Variants in IQCH observed in about 807,000 individuals in gnomAD.
The protein encoded by IQCH is IQ motif containing H.
In IQCH, 98 loss-of-function variants were observed where a neutral mutation model predicts 117.0. That is an observed-to-expected ratio of 0.84 (90% CI 0.71 to 0.99). The LOEUF is 0.99. Ranked by LOEUF, IQCH falls within the 50% of genes least tolerant of loss-of-function variation. The pLI is 0.00. For missense variants in IQCH, 1,102 were observed against 1,243.8 expected, an observed-to-expected ratio of 0.89 and a Z score of 1.72; for synonymous variants, 412 against 448.2, an observed-to-expected ratio of 0.92 and a Z score of 1.02.
intron 4 of IQCH, among the ~76,000 whole-genome samples, chr15:67,308,670 T>G (rs1317301879): frequency 6.6e-6 from 1 of 152,092 alleles, no homozygotes; most frequent in African/African-American, 2.4e-5. Flanking sequence ...TCCACTAATA[T>G]GGCAGTGAAG....
In IQCH at chr15:67,473,153, A is replaced by G. The variant is rs1596459407; in HGVS notation, c.2677-2543A>G. Among the ~76,000 whole-genome samples, 2 of 152,198 alleles carry G rather than the reference A, an allele frequency of 1.3e-5. No homozygotes were observed. Among genetic ancestry groups the G allele is most frequent in the African/African-American group, 4.8e-5 (2 of 41,458 alleles). ...AAAATAACCTTGGAATTATCTTGTG[A>G]ATTCATGGCAATTACCATGCAATTA... On this transcript the variant is annotated intron_variant, in intron 17 of 20. Transcript: ENST00000335894. The surrounding 1 kb of genome is among the most constrained non-coding windows in gnomAD (Gnocchi z 4.9).
chr15:67,281,849 C>G (rs1966372358), intron 4 of IQCH: 1 of 442,054 alleles, frequency 2.3e-6, no homozygotes. Flanking sequence ...AACAAAACCA[C>G]CACAGTGATC....
intron 1 of IQCH, 68 bp from the exon 2 acceptor site, chr15:67,261,204 G>T: frequency 8.8e-7 from 1 of 1,136,866 alleles, no homozygotes. Context: ...AAACCTTTAA[G>T]ATAAATAACT....
chr15:67,437,721 A>G (rs1350122783), intron 16 of IQCH, among the ~76,000 whole-genome samples: 1 of 152,180 alleles, frequency 6.6e-6, no homozygotes, highest in Non-Finnish European at 1.5e-5. Context: ...AATACAGGAA[A>G]CATTGGACAC....
intron 14 of IQCH, among the ~76,000 whole-genome samples, chr15:67,412,817 G>A (rs1240408675): frequency 6.6e-6 from 1 of 152,140 alleles, no homozygotes; most frequent in Non-Finnish European, 1.5e-5. Context: ...AGCTAGCAAT[G>A]GTTCCCCTAA....
intron 10 of IQCH, among the ~76,000 whole-genome samples, chr15:67,377,395 G>A (rs1970775934): frequency 6.6e-6 from 1 of 151,930 alleles, no homozygotes; most frequent in Non-Finnish European, 1.5e-5. Flanking sequence ...ATAATCTACA[G>A]TGGTTCATAA....
At chr15:67,313,275 G>GT (rs1967689372) in intron 4 of IQCH, among the ~76,000 whole-genome samples, 2 of 152,252 alleles carry the variant, frequency 1.3e-5, no homozygotes, top group East Asian at 3.9e-4. Context: ...GAGGACTTGG[G>GT]TTTTCAATCC....
chr15:67,339,642 G>C (rs1220258738), intron 5 of IQCH, among the ~76,000 whole-genome samples: 1 of 152,130 alleles, frequency 6.6e-6, no homozygotes, highest in Non-Finnish European at 1.5e-5. Flanking sequence ...CTATTAAAAG[G>C]ATATCCAGTG....
intron 16 of IQCH, among the ~76,000 whole-genome samples, chr15:67,423,140 C>A (rs76479722): frequency 0.051 from 7,710 of 152,244 alleles, 271 homozygotes; most frequent in Non-Finnish European, 0.074. Context: ...GGGAAAAGAA[C>A]AAACTGAAGG....
In IQCH at chr15:67,384,815, A is replaced by T; in HGVS notation, c.1373-121A>T. The T allele has an allele frequency of 1.5e-6, 1 of 670,050 alleles. No homozygotes were observed. The highest frequency in any genetic ancestry group is 1.7e-5 in the South Asian group (1 of 59,402). 41.5% of individuals were successfully genotyped at this position (670,050 alleles called of 1,614,324 possible). A position where few individuals can be genotyped will look rare whatever the true frequency, so the allele number is the denominator to read the frequency against. ...TTCTTCGGGATTGGGTTGTTTCTGT[A>T]AGATGCTTCAGAGAAAATTTTTTCC... On this transcript the variant is annotated intron_variant, in intron 10 of 20. Transcript: ENST00000335894. The surrounding 1 kb of genome is among the most constrained non-coding windows in gnomAD (Gnocchi z 4.3).
At chr15:67,260,913 T>A (rs939846176) in intron 1 of IQCH, among the ~76,000 whole-genome samples, 2 of 151,872 alleles carry the variant, frequency 1.3e-5, no homozygotes, top group African/African-American at 4.8e-5. Context: ...CTGACCAACA[T>A]GGTGAAAGCC....
intron 20 of IQCH, among the ~76,000 whole-genome samples, chr15:67,497,100 A>G (rs1006342282): frequency 1.6e-4 from 25 of 151,816 alleles, no homozygotes; most frequent in Non-Finnish European, 2.9e-4. Flanking sequence ...AGAAAATCCT[A>G]TGAAGCAAGA....
rs1971120376 is a variant in IQCH, at chr15:67,386,771, A to C, written c.1456+1752A>C. The stretch of plus-strand genomic sequence containing the variant: ...TGATTACTGACCAGCAATCAAAGAA[A>C]GTTTCATCTTCGTATCAATTCCTTT... On this transcript the variant is annotated intron_variant, in intron 11 of 20. Transcript: ENST00000335894. This position sits in a 1 kb window ranked among gnomAD's most constrained non-coding sequence, Gnocchi z 5.0. Among the ~76,000 whole-genome samples the C allele has an allele frequency of 6.6e-6, 1 of 152,112 alleles. No individual in the cohort carries two copies. The highest frequency in any genetic ancestry group is 1.5e-5 in the Non-Finnish European group (1 of 68,016).
intron 4 of IQCH, among the ~76,000 whole-genome samples, chr15:67,329,345 A>G (rs1230001507): frequency 6.6e-6 from 1 of 152,170 alleles, no homozygotes; most frequent in African/African-American, 2.4e-5. Context: ...TTACATGGAA[A>G]AAAACCCATT....
rs1399479250 is a variant in IQCH at position 67,381,993 on chromosome 15, G to T, written c.1373-2943G>T. 6.8e-6 allele frequency among the ~76,000 whole-genome samples: 1 copy of T among 147,014 alleles called. No homozygotes were observed. Among genetic ancestry groups the T allele is most frequent in the Non-Finnish European group, 1.5e-5 (1 of 66,398 alleles). On this transcript the variant is annotated intron_variant, in intron 10 of 20. Coordinates refer to ENST00000335894, the MANE Select transcript of IQCH (RefSeq NM_001031715.3). This position sits in a 1 kb window ranked among gnomAD's most constrained non-coding sequence, Gnocchi z 5.1. ...TGATACCCTGTCAAAAAAAAAAAAA[G>T]AATTAAAAGATTTTTTGAGTACGGG... is the stretch of plus-strand genomic sequence containing the variant.
intron 2 of IQCH, 38 bp downstream of exon 2, chr15:67,261,432 A>G (rs1476082693): frequency 3.9e-6 from 6 of 1,535,288 alleles, no homozygotes; most frequent in Non-Finnish European, 5.2e-6. Flanking sequence ...CTGGAAGGAG[A>G]CAAAGCATCC....
chr15:67,358,863 C>G (rs72745468), intron 7 of IQCH, among the ~76,000 whole-genome samples: 1 of 152,250 alleles, frequency 6.6e-6, no homozygotes, highest in Non-Finnish European at 1.5e-5. Flanking sequence ...ACTGTAATAT[C>G]AGCACTGGTG....
chr15:67,493,395 A>G lies in IQCH; in HGVS notation c.2862-863A>G, dbSNP rs2083715539. The stretch of plus-strand genomic sequence containing the variant: ...CTTATATAGGGAGCCCTATAATGCT[A>G]CAGGATAGTTTGCAAGCTATCTCCG... On this transcript the variant is annotated intron_variant, in intron 19 of 20. Coordinates refer to ENST00000335894, the MANE Select transcript of IQCH (RefSeq NM_001031715.3). This position sits in a 1 kb window ranked among gnomAD's most constrained non-coding sequence, Gnocchi z 5.1. Among the ~76,000 whole-genome samples, 1 of 152,174 alleles carries G rather than the reference A, an allele frequency of 6.6e-6. No individual in the cohort carries two copies. The highest frequency in any genetic ancestry group is 1.5e-5 in the Non-Finnish European group (1 of 68,018).
intron 4 of IQCH, among the ~76,000 whole-genome samples, chr15:67,297,638 T>G (rs1026684085): frequency 1.3e-5 from 2 of 152,156 alleles, no homozygotes; most frequent in African/African-American, 2.4e-5. Context: ...TAATTCCCAG[T>G]CCATGCGCAA....
Sources: allele counts gnomAD v4.1 joint callset (sites outside exome capture counted in the v4.1 genomes callset), GRCh38; gene constraint gnomAD v4.1.1; non-coding constraint Gnocchi (gnomAD v3.1); transcripts MANE v1.5; gene names NCBI Gene and HGNC (gene_info 2026-07-23, HGNC 2026-07-21).